NIM1K: variants seen among roughly 807,000 people sequenced by gnomAD.
The protein encoded by NIM1K is serine/threonine-protein kinase NIM1.
A neutral mutation model predicts 37.1 loss-of-function variants in NIM1K; 35 were observed. The observed-to-expected ratio is 0.94, with a 90% CI of 0.72 to 1.25. The LOEUF is 1.25. NIM1K is among the 50% of genes most tolerant of loss of function. The pLI, the probability that NIM1K is intolerant of heterozygous loss-of-function variation, is 0.00. For synonymous variants in NIM1K, 234 were observed against 206.6 expected (o/e 1.13, Z -1.14); for missense variants, 564 against 548.0 (o/e 1.03, Z -0.29).
At chr5:43,226,946 C>T (rs1752464492) in intron 1 of NIM1K, among the ~76,000 whole-genome samples, 1 of 152,184 alleles carries the variant, frequency 6.6e-6, no homozygotes, top group Non-Finnish European at 1.5e-5. Context: ...CAGGAGCCGT[C>T]CTCACAGTAT....
chr5:43,206,781 C>T (rs1752119794), intron 1 of NIM1K: 2 of 766,074 alleles, frequency 2.6e-6, no homozygotes, highest in Non-Finnish European at 4.9e-6. Flanking sequence ...TCTAAAAGGC[C>T]TCCAGTCCAT....
At chr5:43,226,897 C>T (rs898329772) in intron 1 of NIM1K, among the ~76,000 whole-genome samples, 3 of 152,140 alleles carry the variant, frequency 2.0e-5, no homozygotes, top group Non-Finnish European at 2.9e-5. Context: ...TCAAAGTAGT[C>T]TGAAGTAGTC....
chr5:43,195,247 A>G (rs1751895125), intron 1 of NIM1K, among the ~76,000 whole-genome samples: 1 of 152,232 alleles, frequency 6.6e-6, no homozygotes, highest in Non-Finnish European at 1.5e-5. Flanking sequence ...ACTTGAATTA[A>G]CCACATCATA....
In NIM1K at chr5:43,280,425, C is replaced by A. The variant is rs1481457015; in HGVS notation, c.1007C>A (p.Pro336His). ...GTGCCATACCCTACACCTTTGGAAC[C>A]TTTCCAACTGGATCCCAAACATTTG... The part of the protein sequence containing the change: ...QGVPYPTPLE[P>H]FQLDPKHLSE... The change falls in exon 4 of 4, where the codon CCT becomes CAT. Residue 336 changes from proline (P) to histidine (H), a missense_variant. Physicochemically the swap from Pro to His is moderately conservative, Grantham distance 77 (BLOSUM62 -2). Coordinates refer to ENST00000326035, the MANE Select transcript of NIM1K (RefSeq NM_153361.4). 5 of 1,614,200 alleles carry A rather than the reference C, an allele frequency of 3.1e-6. No individual in the cohort carries two copies. The highest frequency in any genetic ancestry group is 2.2e-5 in the South Asian group (2 of 91,074).
At chr5:43,259,391 C>T (rs1442351049) in intron 2 of NIM1K, among the ~76,000 whole-genome samples, 1 of 152,176 alleles carries the variant, frequency 6.6e-6, no homozygotes, top group Non-Finnish European at 1.5e-5. Context: ...AATTTACATT[C>T]CCACCAGCAG....
At chr5:43,228,977 A>T (rs1474854360) in intron 1 of NIM1K, among the ~76,000 whole-genome samples, 1 of 152,214 alleles carries the variant, frequency 6.6e-6, no homozygotes, top group East Asian at 1.9e-4. Context: ...AATATAGATG[A>T]TACTGTTTTG....
intron 1 of NIM1K, among the ~76,000 whole-genome samples, chr5:43,223,868 C>T (rs1263524001): frequency 6.6e-6 from 1 of 152,138 alleles, no homozygotes; most frequent in Admixed American, 6.5e-5. Flanking sequence ...GAATCAAAGG[C>T]ATCAAAGGTG....
At chr5:43,227,841 A>T (rs1752482091) in intron 1 of NIM1K, among the ~76,000 whole-genome samples, 1 of 152,104 alleles carries the variant, frequency 6.6e-6, no homozygotes, top group African/African-American at 2.4e-5. Flanking sequence ...AATTCACCCC[A>T]TATTGTCTAA....
chr5:43,231,332 A>G (rs761768811), intron 1 of NIM1K, among the ~76,000 whole-genome samples: 3 of 152,240 alleles, frequency 2.0e-5, no homozygotes, highest in Admixed American at 1.3e-4. Context: ...TCCTCTATCT[A>G]TATCTATATA....
intron 2 of NIM1K, among the ~76,000 whole-genome samples, chr5:43,255,086 T>TC (rs1253954558): frequency 1.3e-5 from 2 of 152,256 alleles, no homozygotes; most frequent in East Asian, 3.9e-4. Context: ...GATCCAATGA[T>TC]ATAGGAATGG....
intron 2 of NIM1K, among the ~76,000 whole-genome samples, chr5:43,256,218 G>T (rs1481807783): frequency 6.6e-6 from 1 of 151,976 alleles, no homozygotes; most frequent in East Asian, 1.9e-4. Context: ...GACGCAGAAG[G>T]CAAAAAAAGA....
chr5:43,270,114 T>G (rs1191942347), intron 2 of NIM1K, among the ~76,000 whole-genome samples: 1 of 152,232 alleles, frequency 6.6e-6, no homozygotes, highest in African/African-American at 2.4e-5. Context: ...TTATGAAACT[T>G]AGTTTTGCTG....
Position 43,280,088 on chromosome 5 carries a change from G to T in NIM1K, c.670G>T (p.Gly224Cys). 6.2e-7 allele frequency: 1 copy of T among 1,614,148 alleles called. No individual in the cohort carries two copies. The highest frequency in any genetic ancestry group is 1.3e-5 in the African/African-American group (1 of 75,030). The change falls in exon 4 of 4, where the codon GGT becomes TGT. Residue 224 changes from glycine to cysteine, a missense_variant. Transcript: ENST00000326035. ...TGGATTCAGCACAGTAAGCAAAAAA[G>T]GTGAAATGCTGAACACTTTCTGTGG... ...DFGFSTVSKK[G>C]EMLNTFCGSP...
chr5:43,207,432 A>G (rs779480403), intron 1 of NIM1K: 2 of 855,000 alleles, frequency 2.3e-6, no homozygotes, highest in Non-Finnish European at 4.0e-6. Context: ...GGAGACTGCT[A>G]TCAGGTTCTA....
At chr5:43,263,445 C>A (rs1449646404) in intron 2 of NIM1K, among the ~76,000 whole-genome samples, 1 of 151,864 alleles carries the variant, frequency 6.6e-6, no homozygotes, top group Non-Finnish European at 1.5e-5. Context: ...TCTGTGGGAT[C>A]GGTGGTGATA....
Position 43,280,399 on chromosome 5 carries a change from G to A in NIM1K, c.981G>A (p.Gly327=). 1 of 1,614,116 alleles carries A rather than the reference G, an allele frequency of 6.2e-7. No homozygotes were observed. The highest frequency in any genetic ancestry group is 8.5e-7 in the Non-Finnish European group (1 of 1,180,022). Residue 327 remains glycine, a synonymous_variant, in exon 4 of 4, where the codon GGG becomes GGA. Coordinates refer to ENST00000326035, the MANE Select transcript of NIM1K (RefSeq NM_153361.4). ...DCIMNDEWMQ[G]VPYPTPLEPF... ...TCATGAATGATGAATGGATGCAAGG[G>A]GTGCCATACCCTACACCTTTGGAAC...
At chr5:43,244,743 C>T (rs531713342) in intron 1 of NIM1K, among the ~76,000 whole-genome samples, 3 of 152,120 alleles carry the variant, frequency 2.0e-5, no homozygotes, top group South Asian at 4.2e-4. Context: ...ATTAGTAATC[C>T]AGAATCTTTC....
In NIM1K at chr5:43,220,897, G is replaced by C. The variant is rs77172699; in HGVS notation, c.-694-24185G>C. 5.8e-4 allele frequency among the ~76,000 whole-genome samples: 89 copies of C among 152,282 alleles called. 1 individual carries two copies. The East Asian group carries it at 9.3e-3, about 16-fold the overall frequency. On this transcript the variant is annotated intron_variant, in intron 1 of 3. Coordinates refer to ENST00000326035, the MANE Select transcript of NIM1K (RefSeq NM_153361.4). ...TAGTAAGCATAGGGGGGACATGAGA[G>C]AAGAAGGCAGTAAGCATAGGGCGGT...
chr5:43,244,392 G>T (rs536213242), intron 1 of NIM1K, among the ~76,000 whole-genome samples: 2 of 152,224 alleles, frequency 1.3e-5, no homozygotes, highest in African/African-American at 4.8e-5. Context: ...GAAAATGCAC[G>T]AAGTGCTGTG....
Sources: allele counts gnomAD v4.1 joint callset (sites outside exome capture counted in the v4.1 genomes callset), GRCh38; gene constraint gnomAD v4.1.1; transcripts MANE v1.5; gene names NCBI Gene and HGNC (gene_info 2026-07-23, HGNC 2026-07-21).